Variants in SALL1 observed in about 807,000 individuals in gnomAD.
SALL1 encodes the protein sal-like protein 1.
In SALL1, 10 loss-of-function variants were observed where a neutral mutation model predicts 73.1. The ratio of observed to expected loss-of-function variants is 0.14; its 90% CI spans 0.08 to 0.23. SALL1 has a LOEUF of 0.23. SALL1 is among the 10% of genes least tolerant of loss of function. SALL1 has a pLI of 1.00. For missense variants in SALL1, 1,520 were observed against 1,697.3 expected (o/e 0.90, Z 1.84); for synonymous variants, 688 against 689.8 (o/e 1.00, Z 0.04).
At position 51,141,132 on chromosome 16, in the gene SALL1, G is replaced by A; in HGVS notation, c.1090C>T (p.His364Tyr). The A allele has an allele frequency of 1.2e-6, 2 of 1,614,216 alleles. No individual in the cohort carries two copies. The highest frequency in any genetic ancestry group is 2.2e-5 in the South Asian group (2 of 91,084). Residue 364 changes from histidine (H) to tyrosine (Y), a missense_variant, in exon 2 of 3, where the codon CAT becomes TAT. Physicochemically the swap from His to Tyr is moderately conservative, Grantham distance 83 (BLOSUM62 2). Around this residue, in one of 7 missense-constraint regions of SALL1, gnomAD observed 540 missense variants for 567.5 expected, o/e 0.95. Coordinates refer to ENST00000251020, the MANE Select transcript of SALL1 (RefSeq NM_002968.3). This position sits in a 1 kb window ranked among gnomAD's most constrained non-coding sequence, Gnocchi z 5.4. ...EKVASSAGAS[H>Y]VSNPAVSSSS... ...GATGAGACCGCTGGGTTGCTGACAT[G>A]GGAGGCCCCAGCACTTGAAGCCACT...
Position 51,136,055 on chromosome 16 carries a change from G to A in SALL1, c.*1057C>T, listed in dbSNP as rs1030238623. On this transcript the variant is annotated 3_prime_UTR_variant, in exon 3 of 3. Coordinates refer to ENST00000251020, the MANE Select transcript of SALL1 (RefSeq NM_002968.3). The stretch of plus-strand genomic sequence containing the variant: ...ATTACAGTATCTCTGTTGTTAGTAA[G>A]TATTAAATGTTAAAGAAATTGGACC... 1 of 152,556 alleles carries A rather than the reference G, an allele frequency of 6.6e-6. No homozygotes were observed. Among genetic ancestry groups the A allele is most frequent in the Non-Finnish European group, 1.5e-5 (1 of 68,030 alleles). 9.5% of individuals were successfully genotyped at this position (152,556 alleles called of 1,614,324 possible). A position where few individuals can be genotyped will look rare whatever the true frequency, so the allele number is the denominator to read the frequency against.
chr16:51,142,429 C>G (rs1437930901), intron 1 of SALL1, among the ~76,000 whole-genome samples: 3 of 152,084 alleles, frequency 2.0e-5, no homozygotes, highest in Admixed American at 2.0e-4. Context: ...AATTCCATAG[C>G]AAAATATTGA....
At position 51,138,813 on chromosome 16, in the gene SALL1, T is replaced by C. The variant is rs1352323090; in HGVS notation, c.3409A>G (p.Asn1137Asp). 50 of 1,614,110 alleles carry C rather than the reference T, an allele frequency of 3.1e-5. No individual in the cohort carries two copies. The highest frequency in any genetic ancestry group is 4.2e-5 in the Non-Finnish European group (50 of 1,180,056). Reference protein sequence around the residue: ...PRRTPKQHYCNTCGKTFSSSS... With the variant: ...PRRTPKQHYCDTCGKTFSSSS... ...GAGGAGAAGGTTTTGCCACATGTGT[T>C]GCAGTAGTGCTGCTTGGGAGTTCTC... Residue 1137 changes from asparagine (N) to aspartate (D), a missense_variant, in exon 2 of 3, where the codon AAC becomes GAC. This residue lies in a region of SALL1 where 318 missense variants were observed against 357.1 expected (regional missense o/e 0.89). Transcript: ENST00000251020.
intron 2 of SALL1, 36 bp from the exon 3 acceptor site, chr16:51,137,588 G>A (rs573425585): frequency 1.1e-5 from 16 of 1,513,258 alleles, no homozygotes; most frequent in Admixed American, 1.0e-4. Flanking sequence ...GAGACAGAGA[G>A]AGAGAGAGAA....
chr16:51,137,919 T>C (rs1243078195), intron 2 of SALL1, among the ~76,000 whole-genome samples: 1 of 152,216 alleles, frequency 6.6e-6, no homozygotes, highest in Non-Finnish European at 1.5e-5. Context: ...CTCATTGCAA[T>C]GGTAAGTATT....
At chr16:51,150,621 C>G (rs1219340103) in intron 1 of SALL1, 2 of 978,780 alleles carry the variant, frequency 2.0e-6, no homozygotes, top group East Asian at 1.1e-4. Flanking sequence ...CCTCGCAGGC[C>G]GAGGGGGAGT....
At chr16:51,148,711 T>C (rs781232233) in intron 1 of SALL1, among the ~76,000 whole-genome samples, 12 of 152,218 alleles carry the variant, frequency 7.9e-5, no homozygotes, top group Non-Finnish European at 1.2e-4. Flanking sequence ...AACTGGAGTA[T>C]GTTAGGCCCT....
rs553561728 is a variant in SALL1, at chr16:51,138,606, CTCTGGGGGCATGCATTATAGATAA to C, written c.3534+58_3534+81del. Reference sequence around the variant, plus strand: ...TCTCCCTGAATATCTGGGCTGATGACTCTGGGGGCATGCATTATAGATAATCAATGGCAGTGGGACAGGGTTGAT... The same window carrying C: ...TCTCCCTGAATATCTGGGCTGATGACTCAATGGCAGTGGGACAGGGTTGAT... On this transcript the variant is annotated intron_variant, in intron 2 of 2. Coordinates refer to ENST00000251020, the MANE Select transcript of SALL1 (RefSeq NM_002968.3). 9.2e-5 allele frequency: 140 copies of C among 1,524,014 alleles called. No homozygotes were observed. The African/African-American group carries it at 1.5e-3, about 17-fold the overall frequency. 94.4% of individuals were successfully genotyped at this position (1,524,014 alleles called of 1,614,324 possible).
rs2143447803 is a variant in SALL1, at chr16:51,141,171, G to A, written c.1051C>T (p.Pro351Ser). Residue 351 changes from proline to serine, a missense_variant, in exon 2 of 3, where the codon CCG (proline) becomes TCG (serine). Coordinates refer to ENST00000251020, the MANE Select transcript of SALL1 (RefSeq NM_002968.3). This position sits in a 1 kb window ranked among gnomAD's most constrained non-coding sequence, Gnocchi z 5.4. ...MNILAAAVTT[P>S]SSEKVASSAG... is the part of the protein sequence containing the mutation. ...CTTGAAGCCACTTTTTCAGAGGACG[G>A]GGTGGTAACTGCCGCTGCCAATATG... is the stretch of plus-strand genomic sequence containing the variant. The A allele has an allele frequency of 6.2e-7, 1 of 1,614,226 alleles. No individual in the cohort carries two copies. The highest frequency in any genetic ancestry group is 8.5e-7 in the Non-Finnish European group (1 of 1,180,044).
chr16:51,139,669 T>C lies in SALL1; in HGVS notation c.2553A>G (p.Leu851=). Residue 851 remains leucine (L), a synonymous_variant, in exon 2 of 3, where the codon TTA becomes TTG. Coordinates refer to ENST00000251020, the MANE Select transcript of SALL1 (RefSeq NM_002968.3). ...PKSADASQDS[L]SSSPLPLEMS... ...TCTCGAGGGGCAAAGGCGAAGAGGA[T>C]AAGCTGTCTTGGGAGGCGTCTGCAG... 6.2e-7 allele frequency: 1 copy of C among 1,614,208 alleles called. No homozygotes were observed.
At chr16:51,145,979 C>CT (rs372735955) in intron 1 of SALL1, among the ~76,000 whole-genome samples, 4,442 of 128,834 alleles carry the variant, frequency 0.034, 218 homozygotes, top group African/African-American at 0.1. Flanking sequence ...ATTGATTGGT[C>CT]TTTTTTTTTT....
Position 51,136,458 on chromosome 16 carries a change from T to C in SALL1, c.*654A>G, listed in dbSNP as rs1316830336. The C allele has an allele frequency of 6.6e-6, 1 of 152,632 alleles. No individual in the cohort carries two copies. The highest frequency in any genetic ancestry group is 2.1e-4 in the South Asian group (1 of 4,836). The allele number at this position is 152,632 out of a possible 1,614,324, so 9.5% of individuals were successfully genotyped here. A position where few individuals can be genotyped will look rare whatever the true frequency, so the allele number is the denominator to read the frequency against. The stretch of plus-strand genomic sequence containing the variant: ...ATTACTGTACAGAAACTTATTAACA[T>C]TGAAGACGACTCAAGTAAAAAGCAC... On this transcript the variant is annotated 3_prime_UTR_variant, in exon 3 of 3. Transcript: ENST00000251020.
At chr16:51,151,624 G>C (rs1015331439), upstream of SALL1, among the ~76,000 whole-genome samples, 2 of 151,358 alleles carry the variant, frequency 1.3e-5, no homozygotes, top group East Asian at 2.0e-4. Flanking sequence ...CCCTCTTTGC[G>C]ACCGCCCGGG....
At position 51,137,041 on chromosome 16, in the gene SALL1, C is replaced by T; in HGVS notation, c.*71G>A. 7.0e-7 allele frequency: 1 copy of T among 1,431,334 alleles called. No individual in the cohort carries two copies. The highest frequency in any genetic ancestry group is 1.2e-5 in the South Asian group (1 of 84,584). The allele number at this position is 1,431,334 out of a possible 1,614,324, so 88.7% of individuals were successfully genotyped here. ...GGAAGGGGCGGGGCGGGGTGGGGGG[C>T]AAGGAGTAGGAGGCCACCATAGGTC... is the stretch of plus-strand genomic sequence containing the variant. On this transcript the variant is annotated 3_prime_UTR_variant, in exon 3 of 3. Transcript: ENST00000251020.
Position 51,137,220 on chromosome 16 carries a change from C to T in SALL1, c.3867G>A (p.Glu1289=), listed in dbSNP as rs1567313996. ...TGNLERLQNS[E]PNAPLAGLEK... is the part of the protein sequence containing the mutation. ...CCAGGCCGGCCAGGGGAGCATTGGG[C>T]TCTGAGTTCTGGAGCCTCTCCAGGT... is the stretch of plus-strand genomic sequence containing the variant. Residue 1289 remains glutamate (E), a synonymous_variant, in exon 3 of 3, where the codon GAG becomes GAA. Coordinates refer to ENST00000251020, the MANE Select transcript of SALL1 (RefSeq NM_002968.3). 6.2e-7 allele frequency: 1 copy of T among 1,614,138 alleles called. No individual in the cohort carries two copies. Among genetic ancestry groups the T allele is most frequent in the Non-Finnish European group, 8.5e-7 (1 of 1,179,998 alleles).
In SALL1 at chr16:51,140,965, C is replaced by A. The variant is rs367642766; in HGVS notation, c.1257G>T (p.Leu419Phe). The part of the protein sequence containing the change: ...IGTTAEDLNS[L>F]SALAQQRKSK... ...TTTTTCTTTGCTGGGCCAAGGCAGA[C>A]AAGGAGTTTAAATCCTCTGCAGTTG... Residue 419 changes from leucine (L) to phenylalanine (F), a missense_variant, in exon 2 of 3, where the codon TTG becomes TTT. Transcript: ENST00000251020. The surrounding 1 kb of genome is among the most constrained non-coding windows in gnomAD (Gnocchi z 5.7). 62 of 1,614,106 alleles carry A rather than the reference C, an allele frequency of 3.8e-5. No homozygotes were observed. The highest frequency in any genetic ancestry group is 5.1e-5 in the Non-Finnish European group (60 of 1,180,054).
At chr16:51,150,852 TG>T in intron 1 of SALL1, 1 of 288,380 alleles carries the variant, frequency 3.5e-6, no homozygotes, top group Non-Finnish European at 6.4e-6. Context: ...TGGCCGCGGC[TG>T]GGATCCCCGG....
intron 1 of SALL1, among the ~76,000 whole-genome samples, chr16:51,148,256 A>C (rs1164464829): frequency 1.3e-5 from 2 of 152,222 alleles, no homozygotes; most frequent in Non-Finnish European, 2.9e-5. Context: ...CAGGACACAC[A>C]ACACCAAGCA....
chr16:51,147,142 G>T (rs574834361), intron 1 of SALL1, among the ~76,000 whole-genome samples: 1 of 152,174 alleles, frequency 6.6e-6, no homozygotes, highest in East Asian at 1.9e-4. Context: ...AAAACAAATA[G>T]AGCCCCCAAA....
Sources: gnomAD v4.1 joint callset for allele counts (sites outside exome capture counted in the v4.1 genomes callset) on GRCh38, gnomAD v4.1.1 for gene constraint, gnomAD v4.1.1 regional missense constraint, Gnocchi (gnomAD v3.1) non-coding constraint, MANE v1.5 for transcripts, NCBI Gene and HGNC (gene_info 2026-07-23, HGNC 2026-07-21) for gene names.